DACH1: variants seen among roughly 807,000 people sequenced by gnomAD.
The protein encoded by DACH1 is dachshund homolog 1.
DACH1 carries 12 observed loss-of-function variants against 54.2 expected under a neutral mutation model. That is an observed-to-expected ratio of 0.22 (90% CI 0.14 to 0.36). The LOEUF (loss-of-function observed/expected upper bound fraction) is 0.36, where lower values mean the gene tolerates loss of function less well. Ranked by LOEUF, DACH1 falls within the 10% of genes least tolerant of loss-of-function variation. The pLI, the probability that DACH1 is intolerant of heterozygous loss-of-function variation, is 1.00. For synonymous variants in DACH1, 386 were observed against 366.2 expected, an observed-to-expected ratio of 1.05 and a Z score of -0.62; for missense variants, 805 against 929.8, an observed-to-expected ratio of 0.87 and a Z score of 1.75.
chr13:71,762,768 C>CAAAAAAAAAAAAAAAAAAAAAAAAAA (rs34543654), intron 1 of DACH1, among the ~76,000 whole-genome samples: 1 of 71,178 alleles, frequency 1.4e-5, no homozygotes. Context: ...AACTTTGTCT[C>CAAAAAAAAAAAAAAAAAAAAAAAAAA]AAAAAAAAAA....
intron 1 of DACH1, among the ~76,000 whole-genome samples, chr13:71,768,696 T>C (rs1594198115): frequency 6.6e-6 from 1 of 151,950 alleles, no homozygotes; most frequent in Non-Finnish European, 1.5e-5. Flanking sequence ...ATCTTTAAGC[T>C]GGAAAACTTT....
At chr13:71,794,508 G>T (rs573597313) in intron 1 of DACH1, among the ~76,000 whole-genome samples, 3 of 151,872 alleles carry the variant, frequency 2.0e-5, no homozygotes, top group African/African-American at 7.3e-5. Flanking sequence ...GCGCAATCTC[G>T]GCTCACTGCA....
chr13:71,776,784 A>G (rs906459342), intron 1 of DACH1, among the ~76,000 whole-genome samples: 1 of 152,098 alleles, frequency 6.6e-6, no homozygotes, highest in Non-Finnish European at 1.5e-5. Context: ...CTACACCCCA[A>G]ATAAACCCTG....
intron 4 of DACH1, 42 bp from the exon 5 acceptor site, chr13:71,559,997 A>G (rs1439713664): frequency 2.1e-6 from 3 of 1,448,798 alleles, no homozygotes; most frequent in African/African-American, 2.9e-5. Context: ...AAAGATGTTA[A>G]ATACAACGGA....
intron 2 of DACH1, chr13:71,675,326 C>CA (rs1213485713): frequency 6.3e-7 from 1 of 1,594,550 alleles, no homozygotes; most frequent in Non-Finnish European, 8.6e-7. Context: ...TTCCAGAGCG[C>CA]AGCTATCGGT....
intron 6 of DACH1, among the ~76,000 whole-genome samples, chr13:71,533,855 T>C (rs1364480431): frequency 6.6e-6 from 1 of 152,008 alleles, no homozygotes; most frequent in Admixed American, 6.6e-5. Context: ...TCAGTATGTA[T>C]TTTTTATTGG....
intron 1 of DACH1, among the ~76,000 whole-genome samples, chr13:71,851,393 A>G (rs1319050885): frequency 6.6e-6 from 1 of 152,196 alleles, no homozygotes; most frequent in African/African-American, 2.4e-5. Flanking sequence ...GTAAATAATG[A>G]TGTTATTGGC....
At chr13:71,752,425 G>A (rs964639812) in intron 1 of DACH1, among the ~76,000 whole-genome samples, 4 of 151,738 alleles carry the variant, frequency 2.6e-5, no homozygotes, top group African/African-American at 4.8e-5. Context: ...TTTTAAAATT[G>A]CATTTAAATT....
At chr13:71,721,825 T>G (rs1024340380) in intron 1 of DACH1, among the ~76,000 whole-genome samples, 1 of 152,170 alleles carries the variant, frequency 6.6e-6, no homozygotes, top group Non-Finnish European at 1.5e-5. Context: ...AGATTTTAGA[T>G]GAAAGTTCTT....
intron 7 of DACH1, among the ~76,000 whole-genome samples, chr13:71,480,554 CT>C: frequency 6.6e-6 from 1 of 152,288 alleles, no homozygotes; most frequent in East Asian, 1.9e-4. Context: ...TAAAACTTCT[CT>C]TCAATTCAGC....
chr13:71,521,085 C>G (rs1881565363), intron 6 of DACH1, among the ~76,000 whole-genome samples: 1 of 151,964 alleles, frequency 6.6e-6, no homozygotes, highest in African/African-American at 2.4e-5. Context: ...GAATTCAATT[C>G]CCAGACCTGA....
intron 2 of DACH1, among the ~76,000 whole-genome samples, chr13:71,657,042 ATG>A (rs1399359572): frequency 4.7e-5 from 7 of 148,186 alleles, no homozygotes; most frequent in South Asian, 2.2e-4. Flanking sequence ...ATACATAAAC[ATG>A]TGTGTGTGTG....
intron 1 of DACH1, among the ~76,000 whole-genome samples, chr13:71,793,490 A>T (rs1886915214): frequency 6.6e-6 from 1 of 152,156 alleles, no homozygotes; most frequent in Admixed American, 6.5e-5. Flanking sequence ...GTATGTGAAC[A>T]TCTATTTTAC....
At chr13:71,515,429 T>G (rs549362436) in intron 6 of DACH1, among the ~76,000 whole-genome samples, 1 of 152,074 alleles carries the variant, frequency 6.6e-6, no homozygotes, top group East Asian at 1.9e-4. Flanking sequence ...ATGTTAAAAT[T>G]AATGGGATGT....
intron 1 of DACH1, among the ~76,000 whole-genome samples, chr13:71,747,074 T>G (rs1051463081): frequency 6.6e-6 from 1 of 152,078 alleles, no homozygotes; most frequent in Non-Finnish European, 1.5e-5. Context: ...ATTTATGTAT[T>G]TAAATATTGT....
At chr13:71,797,946 A>G (rs1887123484) in intron 1 of DACH1, among the ~76,000 whole-genome samples, 1 of 152,124 alleles carries the variant, frequency 6.6e-6, no homozygotes. Flanking sequence ...AATTAAAGTG[A>G]CAGAACAGTT....
intron 3 of DACH1, among the ~76,000 whole-genome samples, chr13:71,599,579 A>C (rs890550671): frequency 1.3e-4 from 20 of 152,134 alleles, no homozygotes; most frequent in Admixed American, 6.5e-4. Flanking sequence ...AAAGTCAATT[A>C]ATACACATCT....
intron 1 of DACH1, among the ~76,000 whole-genome samples, chr13:71,836,690 C>T (rs1207308292): frequency 2.0e-5 from 3 of 152,022 alleles, no homozygotes; most frequent in African/African-American, 4.8e-5. Flanking sequence ...CTTCATATCG[C>T]CTTCAAATAT....
rs1377197978 is a variant in DACH1, at chr13:71,602,274, T to C, written c.1126+28282A>G. On this transcript the variant is annotated intron_variant, in intron 3 of 10. Transcript: ENST00000613252. ...AAGTGTTTTCTAAGTAAATATAAAA[T>C]AAACTGCATAATTGCAAGTCACTAA... 5.9e-4 allele frequency among the ~76,000 whole-genome samples: 89 copies of C among 152,042 alleles called. 1 individual carries two copies. The highest frequency in any genetic ancestry group is 5.9e-5 in the Non-Finnish European group (4 of 67,930).
Sources: gnomAD v4.1 joint callset for allele counts (sites outside exome capture counted in the v4.1 genomes callset) on GRCh38, gnomAD v4.1.1 for gene constraint, MANE v1.5 for transcripts, NCBI Gene and HGNC (gene_info 2026-07-23, HGNC 2026-07-21) for gene names.